The following SLC39A11 variants were observed in gnomAD, a reference collection of about 807,000 sequenced individuals.
The protein encoded by SLC39A11 is zinc transporter ZIP11.
SLC39A11 carries 33 observed loss-of-function variants against 36.1 expected under a neutral mutation model. That is an observed-to-expected ratio of 0.91 (90% CI 0.69 to 1.22). The LOEUF (loss-of-function observed/expected upper bound fraction) is 1.22. Ranked by LOEUF, SLC39A11 falls within the 50% of genes most tolerant of loss-of-function variation. The pLI, the probability that SLC39A11 is intolerant of heterozygous loss-of-function variation, is 0.00. For missense variants in SLC39A11, 432 were observed against 430.3 expected, an observed-to-expected ratio of 1.00 and a Z score of -0.03; for synonymous variants, 166 against 170.3, an observed-to-expected ratio of 0.97 and a Z score of 0.20.
intron 4 of SLC39A11, among the ~76,000 whole-genome samples, chr17:72,977,399 G>A (rs1285631346): frequency 6.6e-6 from 1 of 152,154 alleles, no homozygotes; most frequent in Non-Finnish European, 1.5e-5. Context: ...ATGGAGTTTT[G>A]AGCTAACAAA....
chr17:72,780,831 T>C (rs183286545), intron 6 of SLC39A11, among the ~76,000 whole-genome samples: 71 of 151,990 alleles, frequency 4.7e-4, no homozygotes, highest in South Asian at 1.5e-3. Context: ...CTACTAAAAA[T>C]ACAAAATTAG....
chr17:72,983,291 AG>A (rs2088472839), intron 4 of SLC39A11, among the ~76,000 whole-genome samples: 1 of 152,140 alleles, frequency 6.6e-6, no homozygotes, highest in South Asian at 2.1e-4. Flanking sequence ...CTGGGATTAC[AG>A]GCAAGCGCCA....
chr17:73,038,116 C>T (rs1036899515), intron 3 of SLC39A11, among the ~76,000 whole-genome samples: 2 of 151,870 alleles, frequency 1.3e-5, no homozygotes, highest in East Asian at 2.0e-4. Context: ...CCCAGCTACT[C>T]GGGAGGCTGA....
chr17:73,035,676 C>A (rs1002884072), intron 3 of SLC39A11, among the ~76,000 whole-genome samples: 2 of 151,386 alleles, frequency 1.3e-5, no homozygotes, highest in African/African-American at 4.9e-5. Context: ...CCAGCCTGAC[C>A]AACATGGTGA....
intron 5 of SLC39A11, among the ~76,000 whole-genome samples, chr17:72,879,453 A>C (rs1417510555): frequency 1.3e-5 from 2 of 152,188 alleles, no homozygotes; most frequent in East Asian, 3.8e-4. Flanking sequence ...CCGGAGGAAA[A>C]CCAATTATAT....
chr17:72,949,464 T>G (rs1598547470), intron 4 of SLC39A11, among the ~76,000 whole-genome samples: 1 of 151,918 alleles, frequency 6.6e-6, no homozygotes, highest in Non-Finnish European at 1.5e-5. Flanking sequence ...CCCGGCCAGC[T>G]TTTAAACAAC....
intron 7 of SLC39A11, among the ~76,000 whole-genome samples, chr17:72,665,180 G>C (rs912010922): frequency 4.6e-5 from 7 of 152,052 alleles, no homozygotes; most frequent in African/African-American, 7.2e-5. Context: ...GAGACTTCCT[G>C]CCAACAGCCA....
At chr17:72,656,998 A>T (rs1312310954) in intron 7 of SLC39A11, among the ~76,000 whole-genome samples, 2 of 152,044 alleles carry the variant, frequency 1.3e-5, no homozygotes, top group African/African-American at 4.8e-5. Flanking sequence ...AAAAATAAAT[A>T]AAAAAGAGAA....
At chr17:72,677,316 A>G (rs1465684755) in intron 7 of SLC39A11, among the ~76,000 whole-genome samples, 1 of 152,204 alleles carries the variant, frequency 6.6e-6, no homozygotes, top group Admixed American at 6.5e-5. Flanking sequence ...CCAGCAAAAG[A>G]GGCACACAGG....
intron 4 of SLC39A11, among the ~76,000 whole-genome samples, chr17:72,961,875 CTTAAAGTA>C (rs756832469): frequency 1.3e-5 from 2 of 152,072 alleles, no homozygotes; most frequent in Non-Finnish European, 2.9e-5. Flanking sequence ...TACCCTAGAA[CTTAAAGTA>C]TAATAAGAAA....
intron 4 of SLC39A11, among the ~76,000 whole-genome samples, chr17:72,956,573 G>A (rs558185075): frequency 5.9e-5 from 9 of 152,280 alleles, no homozygotes; most frequent in East Asian, 1.9e-4. Context: ...ACAAGTAACC[G>A]AAGTATAATG....
At chr17:72,927,962 A>G (rs2084152719) in intron 5 of SLC39A11, among the ~76,000 whole-genome samples, 1 of 151,976 alleles carries the variant, frequency 6.6e-6, no homozygotes, top group Non-Finnish European at 1.5e-5. Flanking sequence ...TACATGGGTT[A>G]ATAAAGGGTT....
intron 3 of SLC39A11, among the ~76,000 whole-genome samples, chr17:73,057,660 A>T (rs4325634): frequency 6.6e-6 from 1 of 152,152 alleles, no homozygotes; most frequent in Non-Finnish European, 1.5e-5. Context: ...GGCTGAGGCC[A>T]GGCGCGGTGG....
At chr17:72,791,964 G>T (rs975914530) in intron 6 of SLC39A11, among the ~76,000 whole-genome samples, 4 of 152,120 alleles carry the variant, frequency 2.6e-5, no homozygotes, top group African/African-American at 9.7e-5. Context: ...CTTTATAGTG[G>T]CATGAGAATG....
intron 7 of SLC39A11, among the ~76,000 whole-genome samples, chr17:72,657,719 C>CAGGGTAGGTGGCAGAGGCAAGCT (rs1164797746): frequency 6.6e-6 from 1 of 152,216 alleles, no homozygotes; most frequent in Non-Finnish European, 1.5e-5. Flanking sequence ...TAGTCAGAAA[C>CAGGGTAGGTGGCAGAGGCAAGCT]AGGGTAGGTG....
intron 7 of SLC39A11, among the ~76,000 whole-genome samples, chr17:72,653,608 T>G (rs907594485): frequency 1.3e-5 from 2 of 151,852 alleles, no homozygotes; most frequent in Non-Finnish European, 2.9e-5. Flanking sequence ...CCCAGCTAAT[T>G]TTTGTATTTT....
chr17:72,969,059 C>T (rs1426639126), intron 4 of SLC39A11, among the ~76,000 whole-genome samples: 1 of 152,082 alleles, frequency 6.6e-6, no homozygotes, highest in Admixed American at 6.5e-5. Flanking sequence ...ACGGGGCTCT[C>T]GGAGGCTTTT....
intron 5 of SLC39A11, among the ~76,000 whole-genome samples, chr17:72,897,007 C>G (rs2082061818): frequency 7.6e-6 from 1 of 131,220 alleles, no homozygotes; most frequent in Non-Finnish European, 1.5e-5. Context: ...GAGCCAAGAT[C>G]ATGCCACTGC....
intron 6 of SLC39A11, among the ~76,000 whole-genome samples, chr17:72,773,169 C>T (rs945308364): frequency 6.6e-6 from 1 of 152,182 alleles, no homozygotes; most frequent in Admixed American, 6.5e-5. Flanking sequence ...CAGGCTATGC[C>T]TTGACACAAA....
Sources: allele counts gnomAD v4.1 joint callset (sites outside exome capture counted in the v4.1 genomes callset), GRCh38; gene constraint gnomAD v4.1.1; transcripts MANE v1.5; gene names NCBI Gene and HGNC (gene_info 2026-07-23, HGNC 2026-07-21).